The following L3MBTL3 variants were observed in gnomAD, a reference collection of about 807,000 sequenced individuals.
The protein encoded by L3MBTL3 is L3MBTL histone methyl-lysine binding protein 3.
Under a neutral mutation model 102.3 loss-of-function variants are expected in L3MBTL3, and 27 were observed. The ratio of observed to expected loss-of-function variants is 0.26; its 90% CI spans 0.19 to 0.36. The LOEUF (loss-of-function observed/expected upper bound fraction) is 0.36, where lower values mean the gene tolerates loss of function less well. Among genes scored for constraint, L3MBTL3 ranks in the 10% least tolerant of loss-of-function variants. The pLI is 1.00. For missense variants in L3MBTL3, 798 were observed against 955.3 expected (o/e 0.84, Z 2.17); for synonymous variants, 340 against 320.9 (o/e 1.06, Z -0.64).
At chr6:130,094,419 G>C in intron 18 of L3MBTL3, 52 bp downstream of exon 18, 1 of 1,161,822 alleles carries the variant, frequency 8.6e-7, no homozygotes, top group East Asian at 2.4e-5. Flanking sequence ...CCATATACAT[G>C]TATATATAAT....
intron 19 of L3MBTL3, among the ~76,000 whole-genome samples, chr6:130,107,849 T>C (rs1175389407): frequency 6.6e-6 from 1 of 152,250 alleles, no homozygotes; most frequent in Non-Finnish European, 1.5e-5. Flanking sequence ...AACACTTGGC[T>C]TTTTGCCATT....
intron 2 of L3MBTL3, among the ~76,000 whole-genome samples, chr6:130,034,927 C>T (rs1292034600): frequency 6.6e-6 from 1 of 152,188 alleles, no homozygotes; most frequent in Non-Finnish European, 1.5e-5. Context: ...GAACCGTACA[C>T]CTCCTCCTCT....
intron 18 of L3MBTL3, among the ~76,000 whole-genome samples, chr6:130,100,031 T>C (rs941902979): frequency 1.3e-5 from 2 of 152,202 alleles, no homozygotes; most frequent in Non-Finnish European, 2.9e-5. Context: ...GCAAGGGTAC[T>C]ATTCACCCAT....
At chr6:130,118,454 A>G (rs138732638) in intron 19 of L3MBTL3, among the ~76,000 whole-genome samples, 5 of 152,266 alleles carry the variant, frequency 3.3e-5, no homozygotes, top group African/African-American at 7.2e-5. Flanking sequence ...CAGTGGTTCT[A>G]TTCACCCATC....
At chr6:130,058,882 A>G (rs371876057) in intron 9 of L3MBTL3, among the ~76,000 whole-genome samples, 2 of 152,340 alleles carry the variant, frequency 1.3e-5, no homozygotes, top group East Asian at 1.9e-4. Context: ...TTAATTTGTC[A>G]TAGATATATT....
intron 20 of L3MBTL3, among the ~76,000 whole-genome samples, chr6:130,122,543 G>A (rs1415701980): frequency 1.3e-5 from 2 of 152,318 alleles, no homozygotes; most frequent in East Asian, 1.9e-4. Flanking sequence ...TGAGGATGAA[G>A]TACAGTCACA....
intron 16 of L3MBTL3, among the ~76,000 whole-genome samples, chr6:130,092,464 C>T (rs1385092200): frequency 6.6e-6 from 1 of 151,934 alleles, no homozygotes; most frequent in East Asian, 1.9e-4. Context: ...TCTCATGTTG[C>T]TCATGGTGTT....
At chr6:130,052,763 T>C in intron 6 of L3MBTL3, 96 bp from the exon 7 acceptor site, 1 of 1,412,440 alleles carries the variant, frequency 7.1e-7, no homozygotes, top group African/African-American at 1.4e-5. Flanking sequence ...CTTTGCAGGG[T>C]GATTTTTTTT....
chr6:130,131,245 G>C (rs939795063), intron 20 of L3MBTL3, among the ~76,000 whole-genome samples: 1 of 152,140 alleles, frequency 6.6e-6, no homozygotes, highest in East Asian at 1.9e-4. Flanking sequence ...TAAACATAGG[G>C]AAAGATTATC....
chr6:130,019,980 G>T (rs1297547059), intron 1 of L3MBTL3, among the ~76,000 whole-genome samples: 1 of 133,092 alleles, frequency 7.5e-6, no homozygotes, highest in Non-Finnish European at 1.6e-5. Context: ...GTCGGGAGGC[G>T]GCGGCGGCGG....
In L3MBTL3 at chr6:130,092,756, T is replaced by C; in HGVS notation, c.1530T>C (p.Asp510=). ...CTTGTGTCATCCAGGTTCACTTTGATGGCTGGAACAATTGCTATGATTACT... is the reference window on the plus strand; with the variant it reads ...CTTGTGTCATCCAGGTTCACTTTGACGGCTGGAACAATTGCTATGATTACT... The part of the protein sequence containing the change: ...TDDHRVKVHF[D]GWNNCYDYWI... The change falls in exon 17 of 23, where the codon GAT becomes GAC. Residue 510 remains aspartate (D), a synonymous_variant. Transcript: ENST00000361794. The C allele has an allele frequency of 6.2e-7, 1 of 1,609,806 alleles. No individual in the cohort carries two copies. The highest frequency in any genetic ancestry group is 8.5e-7 in the Non-Finnish European group (1 of 1,176,270).
intron 7 of L3MBTL3, 52 bp downstream of exon 7, chr6:130,053,043 A>T (rs1367737052): frequency 1.4e-6 from 2 of 1,384,862 alleles, no homozygotes; most frequent in Non-Finnish European, 2.1e-6. Context: ...TTTAGTGGGT[A>T]GCATCACAGT....
At chr6:130,081,827 A>G (rs1004067265) in intron 14 of L3MBTL3, among the ~76,000 whole-genome samples, 10 of 152,186 alleles carry the variant, frequency 6.6e-5, no homozygotes, top group Non-Finnish European at 1.5e-4. Context: ...TCAGAGACCC[A>G]GTCAAGTTTG....
intron 22 of L3MBTL3, 108 bp downstream of exon 22, chr6:130,134,013 T>C: frequency 1.2e-6 from 1 of 829,282 alleles, no homozygotes; most frequent in Non-Finnish European, 2.0e-6. Context: ...AGATGGGGTG[T>C]GTTGAAATTG....
At chr6:130,040,066 C>T (rs991686179) in intron 2 of L3MBTL3, among the ~76,000 whole-genome samples, 2 of 152,146 alleles carry the variant, frequency 1.3e-5, no homozygotes, top group African/African-American at 4.8e-5. Flanking sequence ...GTGGCTCATG[C>T]CTGTAATCCC....
intron 19 of L3MBTL3, among the ~76,000 whole-genome samples, chr6:130,117,062 G>A (rs1301706923): frequency 1.4e-4 from 20 of 139,236 alleles, no homozygotes; most frequent in Non-Finnish European, 2.3e-4. Context: ...ATGCTGGTGC[G>A]CTGCACCCAC....
At chr6:130,114,558 C>T (rs375274056) in intron 19 of L3MBTL3, among the ~76,000 whole-genome samples, 3 of 152,098 alleles carry the variant, frequency 2.0e-5, no homozygotes, top group Non-Finnish European at 4.4e-5. Flanking sequence ...TCCTTGTTAT[C>T]TTGGTAATAC....
In L3MBTL3 at chr6:130,079,997, A is replaced by G. The variant is rs557349439; in HGVS notation, c.1321+1363A>G. On this transcript the variant is annotated intron_variant, in intron 14 of 22. Coordinates refer to ENST00000361794, the MANE Select transcript of L3MBTL3 (RefSeq NM_032438.4). ...GGCCAGGCACCTATGGCTCACGCCT[A>G]TAATCTCAGCACTTTGGGAGGCTGA... Among the ~76,000 whole-genome samples, 4 of 152,294 alleles carry G rather than the reference A, an allele frequency of 2.6e-5. No homozygotes were observed. The East Asian group carries it at 7.7e-4, about 29-fold the overall frequency.
intron 2 of L3MBTL3, among the ~76,000 whole-genome samples, chr6:130,022,949 A>C (rs966646808): frequency 2.0e-5 from 3 of 152,240 alleles, no homozygotes; most frequent in Admixed American, 2.0e-4. Context: ...CCAATACTCC[A>C]GGTCCTTCTT....
Sources: allele counts gnomAD v4.1 joint callset (sites outside exome capture counted in the v4.1 genomes callset), GRCh38; gene constraint gnomAD v4.1.1; transcripts MANE v1.5; gene names NCBI Gene and HGNC (gene_info 2026-07-23, HGNC 2026-07-21).